The following NRG1 variants were observed in gnomAD, a reference collection of about 807,000 sequenced individuals.
The protein encoded by NRG1 is neuregulin 1, also known as pro-neuregulin-1, membrane-bound isoform.
In NRG1, 18 loss-of-function variants were observed where a neutral mutation model predicts 63.8. The ratio of observed to expected loss-of-function variants is 0.28; its 90% CI spans 0.19 to 0.42. The LOEUF is 0.42. NRG1 is among the 10% of genes least tolerant of loss of function. The probability of loss-of-function intolerance (pLI) is 1.00; values close to 1 mark genes in which losing one functional copy is unlikely to be tolerated. For synonymous variants in NRG1, 302 were observed against 301.3 expected (o/e 1.00, Z -0.02); for missense variants, 762 against 814.7 (o/e 0.94, Z 0.79).
intron 1 of NRG1, among the ~76,000 whole-genome samples, chr8:32,533,075 T>A (rs1255241514): frequency 6.6e-6 from 1 of 151,986 alleles, no homozygotes; most frequent in East Asian, 1.9e-4. Context: ...CACTTAACAT[T>A]TTTTTCTTTA....
chr8:32,585,711 A>C (rs1191297909), intron 1 of NRG1, among the ~76,000 whole-genome samples: 1 of 152,212 alleles, frequency 6.6e-6, no homozygotes, highest in Non-Finnish European at 1.5e-5. Context: ...CCCATCAATT[A>C]TCCAAGTAGC....
chr8:32,374,754 G>A (rs2129482957), intron 1 of NRG1, among the ~76,000 whole-genome samples: 1 of 152,216 alleles, frequency 6.6e-6, no homozygotes, highest in South Asian at 2.1e-4. Flanking sequence ...TTATTGAATG[G>A]TTAAGGCATT....
At chr8:32,076,794 T>G (rs1826640485) in intron 1 of NRG1, among the ~76,000 whole-genome samples, 1 of 152,214 alleles carries the variant, frequency 6.6e-6, no homozygotes, top group Non-Finnish European at 1.5e-5. Context: ...GCCAAATTAT[T>G]ATGACAGAAA....
intron 1 of NRG1, among the ~76,000 whole-genome samples, chr8:31,853,050 C>A (rs1448948076): frequency 1.3e-5 from 2 of 151,856 alleles, no homozygotes; most frequent in Admixed American, 1.3e-4. Context: ...AGTGTGATGC[C>A]TCCAGCTTTG....
At chr8:32,590,965 C>T (rs1178743674) in intron 1 of NRG1, among the ~76,000 whole-genome samples, 1 of 152,194 alleles carries the variant, frequency 6.6e-6, no homozygotes, top group African/African-American at 2.4e-5. Context: ...AAAATTTTTG[C>T]CCTGTGTCCT....
At chr8:32,591,810 C>T (rs372042690) in intron 1 of NRG1, among the ~76,000 whole-genome samples, 14 of 152,028 alleles carry the variant, frequency 9.2e-5, no homozygotes, top group South Asian at 6.2e-4. Context: ...GTGAGAAGAA[C>T]GTGACGATTG....
intron 1 of NRG1, among the ~76,000 whole-genome samples, chr8:32,040,428 G>A (rs568021819): frequency 2.0e-5 from 3 of 152,094 alleles, no homozygotes; most frequent in South Asian, 2.1e-4. Flanking sequence ...GTTAAGCCTG[G>A]AATATGAATG....
At position 32,646,552 on chromosome 8, in the gene NRG1, C is replaced by T. The variant is rs547926839; in HGVS notation, c.502+29667C>T. On this transcript the variant is annotated intron_variant, in intron 5 of 11. Coordinates refer to ENST00000356819, the Ensembl canonical transcript of NRG1. ...ATAAGGTCCCACCTACACCACCCCC[C>T]ACCCCATCCCCATCCCAGCTTTGTT... Among the ~76,000 whole-genome samples the T allele has an allele frequency of 1.1e-4, 16 of 152,272 alleles. No individual in the cohort carries two copies. The East Asian group carries it at 2.5e-3, about 24-fold the overall frequency.
intron 1 of NRG1, among the ~76,000 whole-genome samples, chr8:31,918,013 T>G (rs1251344947): frequency 6.6e-6 from 1 of 152,174 alleles, no homozygotes; most frequent in Non-Finnish European, 1.5e-5. Context: ...TGTCTGTTAT[T>G]GGTGTATAAG....
chr8:31,848,087 A>T (rs927042308), intron 1 of NRG1, among the ~76,000 whole-genome samples: 2 of 152,200 alleles, frequency 1.3e-5, no homozygotes, highest in Non-Finnish European at 2.9e-5. Context: ...ACACAAAGAA[A>T]TGCACTATTA....
At chr8:32,433,089 T>C (rs1422141939) in intron 1 of NRG1, among the ~76,000 whole-genome samples, 1 of 152,102 alleles carries the variant, frequency 6.6e-6, no homozygotes, top group East Asian at 1.9e-4. Context: ...GCCCCACAGC[T>C]ATTTTGACTT....
chr8:32,565,407 C>T (rs990130966), intron 1 of NRG1, among the ~76,000 whole-genome samples: 1 of 152,154 alleles, frequency 6.6e-6, no homozygotes, highest in Non-Finnish European at 1.5e-5. Flanking sequence ...AGGTGTGAAC[C>T]ATTATGCCCG....
chr8:32,371,992 ATTT>A (rs60780562), intron 1 of NRG1, among the ~76,000 whole-genome samples: 2 of 129,420 alleles, frequency 1.5e-5, no homozygotes, highest in Admixed American at 8.5e-5. Flanking sequence ...CTTCTTCTTC[ATTT>A]TTTTTTTTTT....
intron 5 of NRG1, among the ~76,000 whole-genome samples, chr8:32,672,502 A>T (rs1290276077): frequency 2.0e-5 from 3 of 152,160 alleles, no homozygotes; most frequent in Non-Finnish European, 4.4e-5. Flanking sequence ...ATTAATCCAC[A>T]TTTATGTTAC....
chr8:32,749,453 A>G, intron 7 of NRG1: 1 of 1,128,034 alleles, frequency 8.9e-7, no homozygotes, highest in Non-Finnish European at 1.3e-6. Context: ...GTGCATGCAC[A>G]GAGAGCCATA....
chr8:32,385,069 G>A (rs893110511), intron 1 of NRG1, among the ~76,000 whole-genome samples: 1 of 152,200 alleles, frequency 6.6e-6, no homozygotes, highest in Admixed American at 6.5e-5. Context: ...ACCCAGGCTG[G>A]AGTGCGGTGG....
intron 1 of NRG1, among the ~76,000 whole-genome samples, chr8:32,101,764 A>G (rs1830612317): frequency 6.6e-6 from 1 of 152,116 alleles, no homozygotes; most frequent in Admixed American, 6.5e-5. Context: ...AACTCTAAAG[A>G]TTTTCCCTTA....
intron 1 of NRG1, among the ~76,000 whole-genome samples, chr8:31,675,857 G>A (rs1194608767): frequency 6.6e-6 from 1 of 152,022 alleles, no homozygotes; most frequent in African/African-American, 2.4e-5. Context: ...CTTGTCAGAA[G>A]TCATTTATTT....
At chr8:32,324,761 T>C (rs1801803000) in intron 1 of NRG1, among the ~76,000 whole-genome samples, 1 of 152,182 alleles carries the variant, frequency 6.6e-6, no homozygotes, top group African/African-American at 2.4e-5. Context: ...ATTAATTTCT[T>C]CCTAGCCATT....
Sources: gnomAD v4.1 joint callset for allele counts (sites outside exome capture counted in the v4.1 genomes callset) on GRCh38, gnomAD v4.1.1 for gene constraint, MANE v1.5 for transcripts, NCBI Gene and HGNC (gene_info 2026-07-23, HGNC 2026-07-21) for gene names.